CCDC122: variants seen among roughly 807,000 people sequenced by gnomAD.
The protein encoded by CCDC122 is coiled-coil domain-containing protein 122.
In CCDC122, 38 loss-of-function variants were observed where a neutral mutation model predicts 37.0. The observed-to-expected ratio is 1.03, with a 90% CI of 0.79 to 1.35. The LOEUF (loss-of-function observed/expected upper bound fraction) is 1.35, where lower values mean the gene tolerates loss of function less well. Ranked by LOEUF, CCDC122 falls within the 40% of genes most tolerant of loss-of-function variation. The pLI is 0.00. For missense variants in CCDC122, 305 were observed against 310.0 expected (o/e 0.98, Z 0.12); for synonymous variants, 83 against 95.6 (o/e 0.87, Z 0.77).
intron 4 of CCDC122, among the ~76,000 whole-genome samples, chr13:43,861,228 G>A (rs1954094516): frequency 6.6e-6 from 1 of 152,202 alleles, no homozygotes; most frequent in Non-Finnish European, 1.5e-5. Context: ...AATAGATGCA[G>A]AAGAGTGAAA....
In CCDC122 at chr13:43,858,813, T is replaced by C; in HGVS notation, c.640A>G (p.Lys214Glu). ...TCTTTTCTTAATTTTTCATGTGTCT[T>C]TTTTTCTTCCTCAAGAAAACAAGTT... is the stretch of plus-strand genomic sequence containing the variant. ...EKTCFLEEEK[K>E]THEKLRKEIE... The change falls in exon 6 of 7, where the codon AAG becomes GAG. Residue 214 changes from lysine (K) to glutamate (E), a missense_variant. Physicochemically the swap from Lys to Glu is moderately conservative, Grantham distance 56. Transcript: ENST00000444614. 2.1e-6 allele frequency: 3 copies of C among 1,429,156 alleles called. No individual in the cohort carries two copies. Among genetic ancestry groups the C allele is most frequent in the Non-Finnish European group, 2.8e-6 (3 of 1,057,340 alleles). The allele number at this position is 1,429,156 out of a possible 1,614,324, so 88.5% of individuals were successfully genotyped here. A position where few individuals can be genotyped will look rare whatever the true frequency, so the allele number is the denominator to read the frequency against.
intron 2 of CCDC122, 62 bp from the exon 3 acceptor site, chr13:43,869,551 G>A: frequency 1.8e-6 from 1 of 544,984 alleles, no homozygotes; most frequent in East Asian, 3.3e-5. Flanking sequence ...TATCATTAGT[G>A]CCAAGAATTA....
At chr13:43,867,135 T>C (rs1954298847) in intron 4 of CCDC122, among the ~76,000 whole-genome samples, 1 of 152,168 alleles carries the variant, frequency 6.6e-6, no homozygotes, top group South Asian at 2.1e-4. Flanking sequence ...CATGAATGGA[T>C]ACTGGATTAT....
chr13:43,857,858 G>A (rs966093475), intron 6 of CCDC122, among the ~76,000 whole-genome samples: 10 of 152,190 alleles, frequency 6.6e-5, no homozygotes, highest in East Asian at 1.9e-4. Flanking sequence ...AGCTGAGATC[G>A]CACCACTGTA....
rs546895648 is a variant in CCDC122, at chr13:43,866,594, C to A, written c.156+2100G>T. On this transcript the variant is annotated intron_variant, in intron 4 of 6. Transcript: ENST00000444614. ...TGATATACCTCTATATTTAAGTCTTCTTTAATTTTTCTCACCAATGTTTTA... is the reference window on the plus strand; with the variant it reads ...TGATATACCTCTATATTTAAGTCTTATTTAATTTTTCTCACCAATGTTTTA... Among the ~76,000 whole-genome samples the A allele has an allele frequency of 3.2e-3, 491 of 152,248 alleles. 6 individuals are homozygous for A. The highest frequency in any genetic ancestry group is 0.011 in the African/African-American group (468 of 41,550).
At chr13:43,830,565 T>C (rs1953080166) in intron 3 of CCDC122, among the ~76,000 whole-genome samples, 1 of 152,276 alleles carries the variant, frequency 6.6e-6, no homozygotes, top group East Asian at 1.9e-4. Context: ...GGTAAGAGTT[T>C]TGGAGGCGAA....
At chr13:43,859,041 C>T (rs1353881186) in intron 5 of CCDC122, 144 bp from the exon 6 acceptor site, 19 of 555,608 alleles carry the variant, frequency 3.4e-5, no homozygotes, top group East Asian at 5.5e-5. Context: ...TACTTCTATA[C>T]GTATACAAAA....
rs142783264 is a variant in CCDC122, at chr13:43,837,011, T to G, written c.*269A>C. 5.9e-6 allele frequency: 2 copies of G among 341,496 alleles called. No homozygotes were observed. The highest frequency in any genetic ancestry group is 4.2e-5 in the African/African-American group (2 of 47,738). The allele number at this position is 341,496 out of a possible 1,614,324, so 21.2% of individuals were successfully genotyped here. A position where few individuals can be genotyped will look rare whatever the true frequency, so the allele number is the denominator to read the frequency against. On this transcript the variant is annotated 3_prime_UTR_variant, in exon 7 of 7. Transcript: ENST00000444614. ...AACAGGTATTCATGAGTATAATACA[T>G]TTTACACACTCCAAATAGTCACAGA...
intron 2 of CCDC122, among the ~76,000 whole-genome samples, chr13:43,874,422 GACAAAT>G (rs1400094371): frequency 1.3e-5 from 2 of 151,934 alleles, no homozygotes; most frequent in African/African-American, 4.8e-5. Context: ...GCACCGGGAA[GACAAAT>G]ACAGTGTTTT....
At chr13:43,860,537 TAAAATGAGTA>T (rs1045636314) in intron 4 of CCDC122, among the ~76,000 whole-genome samples, 3 of 151,050 alleles carry the variant, frequency 2.0e-5, no homozygotes, top group Admixed American at 2.0e-4. Context: ...TCTCCATTTG[TAAAATGAGTA>T]TAAAGATATT....
At chr13:43,849,447 A>C (rs80168057) in intron 6 of CCDC122, among the ~76,000 whole-genome samples, 12,744 of 152,254 alleles carry the variant, frequency 0.084, 614 homozygotes, top group East Asian at 0.13. Flanking sequence ...CAAAACAAAC[A>C]TTAGAAGCTC....
intron 5 of CCDC122, among the ~76,000 whole-genome samples, chr13:43,859,427 C>A (rs1049786844): frequency 1.3e-5 from 2 of 152,022 alleles, no homozygotes; most frequent in Non-Finnish European, 2.9e-5. Context: ...TTTTATTTGA[C>A]CATGTAGTTT....
intron 3 of CCDC122, among the ~76,000 whole-genome samples, chr13:43,828,555 TACACACACAC>T (rs56901535): frequency 0.043 from 6,276 of 146,180 alleles, 153 homozygotes; most frequent in African/African-American, 0.061. Flanking sequence ...TATAGACAGA[TACACACACAC>T]ACACACACAC....
In CCDC122 at chr13:43,868,758, G is replaced by A. The variant is rs78953797; in HGVS notation, c.92C>T (p.Ala31Val). The A allele has an allele frequency of 1.3e-6, 2 of 1,562,326 alleles. No individual in the cohort carries two copies. The highest frequency in any genetic ancestry group is 3.7e-5 in the Admixed American group (2 of 53,986). Residue 31 changes from alanine (A) to valine (V), a missense_variant, in exon 4 of 7, where the codon GCA (alanine) becomes GTA (valine). Transcript: ENST00000444614. ...SSLADAVEKV[A>V]KQQQSQASEI... Reference sequence around the variant, plus strand: ...TGATGCTTGTGATTGTTGTTGCTTTGCAACTTTCTCTACAGCATCAGCTAA... The same window carrying A: ...TGATGCTTGTGATTGTTGTTGCTTTACAACTTTCTCTACAGCATCAGCTAA...
At chr13:43,822,846 C>T (rs895647202), downstream of CCDC122, among the ~76,000 whole-genome samples, 6 of 152,082 alleles carry the variant, frequency 3.9e-5, no homozygotes, top group Non-Finnish European at 7.4e-5. Flanking sequence ...GTGGTGGGCT[C>T]CCCTTCTTTT....
intron 6 of CCDC122, among the ~76,000 whole-genome samples, chr13:43,852,816 G>C (rs1953785345): frequency 6.6e-6 from 1 of 151,844 alleles, no homozygotes; most frequent in Non-Finnish European, 1.5e-5. Context: ...AAGCAGAAGA[G>C]ACTGGGAACC....
intron 6 of CCDC122, 143 bp downstream of exon 6, chr13:43,858,638 G>T (rs1266313361): frequency 5.8e-6 from 3 of 520,542 alleles, no homozygotes; most frequent in African/African-American, 2.0e-5. Context: ...ATCTATTAAT[G>T]ATTTGTATTT....
intron 3 of CCDC122, among the ~76,000 whole-genome samples, chr13:43,869,037 G>A (rs1328868291): frequency 3.3e-5 from 5 of 151,988 alleles, no homozygotes; most frequent in South Asian, 4.1e-4. Flanking sequence ...CTACGGAACA[G>A]TATAAATATT....
intron 6 of CCDC122, among the ~76,000 whole-genome samples, chr13:43,844,848 T>C (rs2153871098): frequency 6.6e-6 from 1 of 152,264 alleles, no homozygotes; most frequent in Non-Finnish European, 1.5e-5. Flanking sequence ...AAACTATGTG[T>C]GGCTTTATAT....
Sources: allele counts gnomAD v4.1 joint callset (sites outside exome capture counted in the v4.1 genomes callset), GRCh38; gene constraint gnomAD v4.1.1; transcripts MANE v1.5; gene names NCBI Gene and HGNC (gene_info 2026-07-23, HGNC 2026-07-21).